Variants in PDE10A observed in about 807,000 individuals in gnomAD.
The protein encoded by PDE10A is cAMP and cAMP-inhibited cGMP 3',5'-cyclic phosphodiesterase 10A.
PDE10A carries 39 observed loss-of-function variants against 97.7 expected under a neutral mutation model. The observed-to-expected ratio is 0.40, with a 90% CI of 0.31 to 0.52. The LOEUF (loss-of-function observed/expected upper bound fraction) is 0.52, where lower values mean the gene tolerates loss of function less well. PDE10A is among the 20% of genes least tolerant of loss of function. PDE10A has a pLI of 0.56. For missense variants in PDE10A, 731 were observed against 1,047.8 expected (o/e 0.70, Z 4.17); for synonymous variants, 371 against 376.8 (o/e 0.98, Z 0.18).
At chr6:165,827,316 G>A in intron 1 of PDE10A, among the ~76,000 whole-genome samples, 1 of 152,184 alleles carries the variant, frequency 6.6e-6, no homozygotes, top group Non-Finnish European at 1.5e-5. Flanking sequence ...CGCGGGGCGG[G>A]GGCACCCGGT....
chr6:165,692,325 G>A (rs1298896146), intron 1 of PDE10A, among the ~76,000 whole-genome samples: 1 of 152,220 alleles, frequency 6.6e-6, no homozygotes, highest in Non-Finnish European at 1.5e-5. Context: ...GTTCAGATCA[G>A]CAGATCAGAT....
intron 18 of PDE10A, among the ~76,000 whole-genome samples, chr6:165,369,525 A>C (rs1784071508): frequency 6.9e-6 from 1 of 145,228 alleles, no homozygotes; most frequent in South Asian, 2.2e-4. Context: ...GGAAGTTTAG[A>C]GAAAAAAGAA....
At chr6:165,562,457 G>GA (rs1228025563) in intron 1 of PDE10A, among the ~76,000 whole-genome samples, 1 of 151,944 alleles carries the variant, frequency 6.6e-6, no homozygotes, top group Non-Finnish European at 1.5e-5. Flanking sequence ...AGACAAAGAT[G>GA]AAAAAATCTA....
chr6:165,722,556 A>C (rs1469455408), intron 1 of PDE10A, among the ~76,000 whole-genome samples: 1 of 152,248 alleles, frequency 6.6e-6, no homozygotes, highest in African/African-American at 2.4e-5. Context: ...ATAATAAAAT[A>C]GAACAATTAT....
chr6:165,929,377 G>A (rs1263227694), intron 1 of PDE10A, among the ~76,000 whole-genome samples: 1 of 152,162 alleles, frequency 6.6e-6, no homozygotes, highest in Non-Finnish European at 1.5e-5. Context: ...AAGCAGAGTG[G>A]ATACCTAGGC....
intron 1 of PDE10A, among the ~76,000 whole-genome samples, chr6:165,847,702 C>G (rs1233856000): frequency 6.6e-6 from 1 of 152,202 alleles, no homozygotes; most frequent in Non-Finnish European, 1.5e-5. Flanking sequence ...CGTAAGCCAG[C>G]AGATTTTTTT....
At chr6:165,718,172 T>C (rs1370431043) in intron 1 of PDE10A, 1 of 152,206 alleles carries the variant, frequency 6.6e-6, no homozygotes, top group Non-Finnish European at 1.5e-5. Flanking sequence ...ATTCAAAGTC[T>C]TGATGCTTTT....
rs370865492 is a variant in PDE10A at position 165,567,993 on chromosome 6, C to CCTTTTTTTTTTTTTTTTTTTTT, written c.866-24426_866-24425insAAAAAAAAAAAAAAAAAAAAAG. Among the ~76,000 whole-genome samples, 8 of 115,602 alleles carry CCTTTTTTTTTTTTTTTTTTTTT rather than the reference C, an allele frequency of 6.9e-5. 4 individuals are homozygous for CCTTTTTTTTTTTTTTTTTTTTT. Among genetic ancestry groups the CCTTTTTTTTTTTTTTTTTTTTT allele is most frequent in the Admixed American group, 2.0e-4 (2 of 9,906 alleles). The allele number at this position is 115,602 out of a possible 152,430, so 75.8% of individuals were successfully genotyped here. ...AGCACACAATAGGTACGCAACAAGGCATTTTTTTTTTTTTTTTTTTTTTGA... is the reference window on the plus strand; with the variant it reads ...AGCACACAATAGGTACGCAACAAGGCCTTTTTTTTTTTTTTTTTTTTTATTTTTTTTTTTTTTTTTTTTTTGA... On this transcript the variant is annotated intron_variant, in intron 1 of 21. Coordinates refer to ENST00000539869, the MANE Select transcript of PDE10A (RefSeq NM_001385079.1).
chr6:165,382,920 T>G (rs1010693989), intron 17 of PDE10A, among the ~76,000 whole-genome samples: 1 of 152,192 alleles, frequency 6.6e-6, no homozygotes, highest in Non-Finnish European at 1.5e-5. Context: ...TGTCATATAT[T>G]TTAGATTACC....
intron 1 of PDE10A, among the ~76,000 whole-genome samples, chr6:165,597,066 T>C (rs1786640807): frequency 6.6e-6 from 1 of 152,062 alleles, no homozygotes; most frequent in Non-Finnish European, 1.5e-5. Context: ...TTTTTCTCCA[T>C]AGTGCTTATC....
At chr6:165,857,854 C>T (rs1222322291) in intron 1 of PDE10A, among the ~76,000 whole-genome samples, 1 of 152,022 alleles carries the variant, frequency 6.6e-6, no homozygotes, top group Non-Finnish European at 1.5e-5. Context: ...CTTAGGGTGC[C>T]TCCCTGTTTT....
intron 1 of PDE10A, among the ~76,000 whole-genome samples, chr6:165,729,508 G>A (rs77411052): frequency 6.6e-5 from 10 of 152,242 alleles, no homozygotes; most frequent in African/African-American, 2.2e-4. Flanking sequence ...CCACAGGGGG[G>A]CAGCAACCCA....
chr6:165,718,297 G>T (rs1039320149), intron 1 of PDE10A: 1 of 152,178 alleles, frequency 6.6e-6, no homozygotes, highest in African/African-American at 2.4e-5. Flanking sequence ...GTTAATCTCT[G>T]TGTAGTTCCA....
intron 1 of PDE10A, among the ~76,000 whole-genome samples, chr6:165,861,516 AG>A (rs1394487386): frequency 6.6e-6 from 1 of 151,894 alleles, no homozygotes; most frequent in African/African-American, 2.4e-5. Flanking sequence ...GGGCCCCAGT[AG>A]GGTCTCCTAG....
At chr6:165,762,877 C>G (rs190638064) in intron 1 of PDE10A, among the ~76,000 whole-genome samples, 60 of 151,934 alleles carry the variant, frequency 3.9e-4, no homozygotes, top group Admixed American at 3.7e-3. Context: ...CTTAAATTCT[C>G]CAAACACACG....
intron 1 of PDE10A, among the ~76,000 whole-genome samples, chr6:165,843,126 T>G (rs1780306925): frequency 6.6e-6 from 1 of 152,166 alleles, no homozygotes; most frequent in South Asian, 2.1e-4. Flanking sequence ...GAGAAGGAAG[T>G]GACTTTGAGC....
At chr6:165,810,511 C>T (rs1779252285) in intron 1 of PDE10A, among the ~76,000 whole-genome samples, 1 of 152,146 alleles carries the variant, frequency 6.6e-6, no homozygotes, top group Admixed American at 6.5e-5. Flanking sequence ...CTGTAACATC[C>T]CTGTCCATAA....
At chr6:165,370,978 T>C (rs1784201049) in intron 18 of PDE10A, among the ~76,000 whole-genome samples, 1 of 135,094 alleles carries the variant, frequency 7.4e-6, no homozygotes, top group Admixed American at 7.6e-5. Context: ...CCTGAATGAC[T>C]ACTGGGTACA....
intron 1 of PDE10A, among the ~76,000 whole-genome samples, chr6:165,577,032 T>C (rs1340906337): frequency 1.3e-5 from 2 of 152,180 alleles, no homozygotes. Flanking sequence ...CTTGCCACCA[T>C]CAAAACAAAG....
Sources: gnomAD v4.1 joint callset for allele counts (sites outside exome capture counted in the v4.1 genomes callset) on GRCh38, gnomAD v4.1.1 for gene constraint, MANE v1.5 for transcripts, NCBI Gene and HGNC (gene_info 2026-07-23, HGNC 2026-07-21) for gene names.